PRUNE2: variants seen among roughly 807,000 people sequenced by gnomAD.
PRUNE2 encodes the protein protein prune homolog 2.
Under a neutral mutation model 252.0 loss-of-function variants are expected in PRUNE2, and 164 were observed. That is an observed-to-expected ratio of 0.65 (90% CI 0.57 to 0.74). PRUNE2 has a LOEUF of 0.74. Ranked by LOEUF, PRUNE2 falls within the 30% of genes least tolerant of loss-of-function variation. The pLI is 0.00. For synonymous variants in PRUNE2, 1,292 were observed against 1,350.2 expected (o/e 0.96, Z 0.94); for missense variants, 3,495 against 3,711.0 (o/e 0.94, Z 1.51).
At chr9:76,784,711 G>A (rs901730351) in intron 6 of PRUNE2, 2 of 152,194 alleles carry the variant, frequency 1.3e-5, no homozygotes, top group African/African-American at 4.8e-5. Flanking sequence ...GGAGTGTTCT[G>A]GCCCAGGGGA....
chr9:76,884,311 G>C (rs887261523), intron 1 of PRUNE2, among the ~76,000 whole-genome samples: 1 of 151,994 alleles, frequency 6.6e-6, no homozygotes, highest in African/African-American at 2.4e-5. Context: ...ATCCCTTCTG[G>C]GTAAATTTAA....
intron 1 of PRUNE2, among the ~76,000 whole-genome samples, chr9:76,857,951 G>A (rs1000846154): frequency 2.6e-5 from 4 of 152,134 alleles, no homozygotes; most frequent in Non-Finnish European, 5.9e-5. Context: ...CTCACTGAAG[G>A]TCTGTAGGCC....
intron 9 of PRUNE2, among the ~76,000 whole-genome samples, chr9:76,702,609 G>GTGAATGAATGAATGAA (rs59841123): frequency 0.31 from 46,971 of 150,770 alleles, 7,569 homozygotes; most frequent in Middle Eastern, 0.47. Flanking sequence ...AAACCACATG[G>GTGAATGAATGAATGAA]TGAATGAATG....
intron 6 of PRUNE2, chr9:76,739,218 T>C (rs1286955454): frequency 1.3e-5 from 2 of 152,036 alleles, no homozygotes; most frequent in Non-Finnish European, 2.9e-5. Context: ...GACAAATATA[T>C]AGTAGATGTA....
chr9:76,746,994 C>T (rs2050184643), intron 6 of PRUNE2, among the ~76,000 whole-genome samples: 1 of 152,210 alleles, frequency 6.6e-6, no homozygotes, highest in Admixed American at 6.5e-5. Context: ...ATGGGAACCC[C>T]AATTTATGCC....
rs145599598 is a variant in PRUNE2, at chr9:76,854,351, G to C, written c.37-143C>G. The C allele has an allele frequency of 1.2e-3, 540 of 467,742 alleles. 3 individuals are homozygous for C. Among genetic ancestry groups the C allele is most frequent in the African/African-American group, 9.8e-3 (500 of 51,032 alleles). The allele number at this position is 467,742 out of a possible 1,614,324, so 29.0% of individuals were successfully genotyped here. A position where few individuals can be genotyped will look rare whatever the true frequency, so the allele number is the denominator to read the frequency against. On this transcript the variant is annotated intron_variant, in intron 1 of 18. Coordinates refer to ENST00000376718, the MANE Select transcript of PRUNE2 (RefSeq NM_015225.3). ...ATAAATTTATCATGAAGTTTTACAT[G>C]AGAACATAAAAATTGTACAAAGTGT...
At chr9:76,887,338 T>C (rs1198061977) in intron 1 of PRUNE2, among the ~76,000 whole-genome samples, 2 of 151,976 alleles carry the variant, frequency 1.3e-5, no homozygotes, top group Non-Finnish European at 2.9e-5. Context: ...TTTTTTAAGG[T>C]TTTTAATTGG....
At chr9:76,815,741 A>C (rs1203406755) in intron 6 of PRUNE2, among the ~76,000 whole-genome samples, 1 of 152,222 alleles carries the variant, frequency 6.6e-6, no homozygotes, top group East Asian at 1.9e-4. Flanking sequence ...ACAGAGAATC[A>C]TAACTAGATA....
chr9:76,825,742 C>T (rs2058309810), intron 5 of PRUNE2, among the ~76,000 whole-genome samples: 1 of 152,186 alleles, frequency 6.6e-6, no homozygotes, highest in Admixed American at 6.5e-5. Flanking sequence ...GAGGAGGATT[C>T]AGCAAGAACA....
chr9:76,731,280 C>CTCTCTCTATCTA (rs1403056135), intron 6 of PRUNE2, among the ~76,000 whole-genome samples: 1 of 86,848 alleles, frequency 1.2e-5, no homozygotes, highest in Non-Finnish European at 2.3e-5. Flanking sequence ...TATTCCCTCT[C>CTCTCTCTATCTA]TCTATCTATC....
intron 6 of PRUNE2, among the ~76,000 whole-genome samples, chr9:76,767,743 G>A (rs1001849222): frequency 2.6e-5 from 4 of 152,058 alleles, no homozygotes; most frequent in Non-Finnish European, 4.4e-5. Context: ...AATGAATCCA[G>A]CCTGCCCAGC....
chr9:76,711,487 A>T, intron 7 of PRUNE2, 129 bp from the exon 8 acceptor site: 1 of 643,684 alleles, frequency 1.6e-6, no homozygotes, highest in South Asian at 2.2e-5. Context: ...GAAAAAGAAG[A>T]TCTCAAACTT....
intron 6 of PRUNE2, among the ~76,000 whole-genome samples, chr9:76,794,342 C>T (rs904062193): frequency 1.3e-5 from 2 of 152,142 alleles, no homozygotes; most frequent in Non-Finnish European, 2.9e-5. Context: ...TCCGAGCGAG[C>T]GCGGTCGCTC....
chr9:76,632,930 C>T lies in PRUNE2; in HGVS notation c.9050+3541G>A, dbSNP rs114549346. 4.0e-3 allele frequency among the ~76,000 whole-genome samples: 611 copies of T among 152,314 alleles called. 2 individuals are homozygous for T. The highest frequency in any genetic ancestry group is 0.014 in the African/African-American group (586 of 41,570). ...TAAAAAATGTAAAAATAAAAATATT[C>T]TATGATGCCGGCTGGGCGCAGTGTC... On this transcript the variant is annotated intron_variant, in intron 15 of 18. Coordinates refer to ENST00000376718, the MANE Select transcript of PRUNE2 (RefSeq NM_015225.3).
rs1301101560 is a variant in PRUNE2, at chr9:76,614,188, C to CA, written c.*381dup. The stretch of plus-strand genomic sequence containing the variant: ...TGTACTTTAAACCTAATGCAATCAC[C>CA]AAAAGGAAATCCAGCTAATCTATGG... On this transcript the variant is annotated 3_prime_UTR_variant, in exon 19 of 19. Transcript: ENST00000376718. 3 of 222,530 alleles carry CA rather than the reference C, an allele frequency of 1.3e-5. No homozygotes were observed. The East Asian group carries it at 4.3e-4, about 32-fold the overall frequency. 13.8% of individuals were successfully genotyped at this position (222,530 alleles called of 1,614,324 possible).
At chr9:76,681,054 T>G (rs114843477) in intron 9 of PRUNE2, among the ~76,000 whole-genome samples, 1 of 152,162 alleles carries the variant, frequency 6.6e-6, no homozygotes, top group South Asian at 2.1e-4. Flanking sequence ...ATGTGGTATA[T>G]GCATACACGA....
chr9:76,680,912 A>T (rs923550009), intron 9 of PRUNE2, among the ~76,000 whole-genome samples: 5 of 152,200 alleles, frequency 3.3e-5, no homozygotes, highest in Non-Finnish European at 7.3e-5. Context: ...TATCATGAGA[A>T]CAGCAGCGGG....
intron 6 of PRUNE2, among the ~76,000 whole-genome samples, chr9:76,790,806 T>G (rs115636440): frequency 0.023 from 3,472 of 152,292 alleles, 125 homozygotes; most frequent in African/African-American, 0.078. Context: ...CTTGAATTAA[T>G]TCCATTCAGT....
chr9:76,686,416 T>C (rs976461966), intron 9 of PRUNE2, among the ~76,000 whole-genome samples: 11 of 152,296 alleles, frequency 7.2e-5, no homozygotes, highest in Admixed American at 4.6e-4. Flanking sequence ...AAATCCAATC[T>C]CTGTCTTTAT....
Sources: gnomAD v4.1 joint callset for allele counts (sites outside exome capture counted in the v4.1 genomes callset) on GRCh38, gnomAD v4.1.1 for gene constraint, MANE v1.5 for transcripts, NCBI Gene and HGNC (gene_info 2026-07-23, HGNC 2026-07-21) for gene names.